Variants in CDH18 observed in about 807,000 individuals in gnomAD.
CDH18 encodes the protein cadherin 18.
A neutral mutation model predicts 67.9 loss-of-function variants in CDH18; 31 were observed. That is an observed-to-expected ratio of 0.46 (90% CI 0.34 to 0.62). The LOEUF (loss-of-function observed/expected upper bound fraction) is 0.62, where lower values mean the gene tolerates loss of function less well. CDH18 is among the 20% of genes least tolerant of loss of function. The probability of loss-of-function intolerance (pLI) is 0.01; values close to 1 mark genes in which losing one functional copy is unlikely to be tolerated. For synonymous variants in CDH18, 362 were observed against 347.2 expected (o/e 1.04, Z -0.48); for missense variants, 890 against 975.5 (o/e 0.91, Z 1.17).
chr5:19,864,215 C>A (rs1785211585), intron 2 of CDH18, among the ~76,000 whole-genome samples: 1 of 150,558 alleles, frequency 6.6e-6, no homozygotes, highest in African/African-American at 2.4e-5. Flanking sequence ...ATGATGAGTT[C>A]ATGTCCTTTG....
At chr5:20,191,847 G>T (rs1373797390) in intron 2 of CDH18, among the ~76,000 whole-genome samples, 1 of 152,134 alleles carries the variant, frequency 6.6e-6, no homozygotes, top group Admixed American at 6.6e-5. Flanking sequence ...ACAGTAGAAT[G>T]ATGTATATTC....
At chr5:19,541,591 A>G (rs948377972) in intron 9 of CDH18, among the ~76,000 whole-genome samples, 1 of 152,200 alleles carries the variant, frequency 6.6e-6, no homozygotes, top group Non-Finnish European at 1.5e-5. Flanking sequence ...CACAATCATG[A>G]AAGAAGGCAA....
chr5:20,015,032 A>G (rs1737763210), intron 2 of CDH18, among the ~76,000 whole-genome samples: 1 of 152,138 alleles, frequency 6.6e-6, no homozygotes, highest in African/African-American at 2.4e-5. Flanking sequence ...TACTAGGTCA[A>G]AATAGTTAAC....
intron 1 of CDH18, among the ~76,000 whole-genome samples, chr5:20,269,955 G>A (rs66551847): frequency 0.12 from 17,737 of 151,928 alleles, 1,574 homozygotes; most frequent in African/African-American, 0.24. Flanking sequence ...ACATGCAATA[G>A]GAATTACATG....
At chr5:20,269,084 AT>A (rs1237098655) in intron 1 of CDH18, among the ~76,000 whole-genome samples, 1 of 152,158 alleles carries the variant, frequency 6.6e-6, no homozygotes, top group Non-Finnish European at 1.5e-5. Context: ...AAGAATAGAT[AT>A]TTTTTAAAAG....
At chr5:20,536,090 A>G (rs1252242908) in intron 1 of CDH18, among the ~76,000 whole-genome samples, 1 of 152,206 alleles carries the variant, frequency 6.6e-6, no homozygotes, top group Non-Finnish European at 1.5e-5. Flanking sequence ...TAGCTTGCAT[A>G]TAATTCTTAT....
chr5:19,585,454 C>A (rs1744002527), intron 7 of CDH18, among the ~76,000 whole-genome samples: 1 of 152,198 alleles, frequency 6.6e-6, no homozygotes, highest in South Asian at 2.1e-4. Context: ...TACCCGCAGT[C>A]ATTTGCTTCT....
In CDH18 at chr5:20,304,437, C is replaced by T. The variant is rs1271007315; in HGVS notation, c.-579-48932G>A. 39 of 1,499,022 alleles carry T rather than the reference C, an allele frequency of 2.6e-5. No homozygotes were observed. In the East Asian group the frequency reaches 7.0e-4, roughly 27 times the overall value. The allele number at this position is 1,499,022 out of a possible 1,614,324, so 92.9% of individuals were successfully genotyped here. A position where few individuals can be genotyped will look rare whatever the true frequency, so the allele number is the denominator to read the frequency against. ...ACTTTGGGTAGCTCATGATTCTCTTCTTCATCTCCACCTTTGCATTCACCA... is the reference window on the plus strand; with the variant it reads ...ACTTTGGGTAGCTCATGATTCTCTTTTTCATCTCCACCTTTGCATTCACCA... On this transcript the variant is annotated intron_variant, in intron 1 of 14. Transcript: ENST00000507958.
At chr5:20,073,600 C>T (rs1561768746) in intron 2 of CDH18, among the ~76,000 whole-genome samples, 1 of 151,812 alleles carries the variant, frequency 6.6e-6, no homozygotes, top group Non-Finnish European at 1.5e-5. Context: ...GAGGTATATC[C>T]AGAATAGAGA....
At chr5:20,136,951 G>A (rs1263038307) in intron 2 of CDH18, among the ~76,000 whole-genome samples, 2 of 152,174 alleles carry the variant, frequency 1.3e-5, no homozygotes, top group Non-Finnish European at 2.9e-5. Context: ...TTTCTGCCAA[G>A]AGATCTGCTG....
intron 2 of CDH18, among the ~76,000 whole-genome samples, chr5:20,108,420 A>T (rs1228435911): frequency 6.6e-6 from 1 of 152,014 alleles, no homozygotes; most frequent in Non-Finnish European, 1.5e-5. Context: ...CCCTATCTCC[A>T]AACAGTCTTA....
At chr5:20,184,476 G>T (rs555501391) in intron 2 of CDH18, among the ~76,000 whole-genome samples, 1 of 152,074 alleles carries the variant, frequency 6.6e-6, no homozygotes, top group East Asian at 1.9e-4. Context: ...CTAATACAAG[G>T]TTAAGGCAGC....
At chr5:20,071,312 T>C (rs1743461236) in intron 2 of CDH18, among the ~76,000 whole-genome samples, 1 of 152,174 alleles carries the variant, frequency 6.6e-6, no homozygotes, top group African/African-American at 2.4e-5. Context: ...TATATCCTTC[T>C]TTAGGGTGTT....
intron 1 of CDH18, among the ~76,000 whole-genome samples, chr5:20,558,043 A>T (rs1159647955): frequency 6.8e-6 from 1 of 147,816 alleles, no homozygotes; most frequent in African/African-American, 2.6e-5. Context: ...ATATAACATT[A>T]ATTGTTATAT....
At chr5:20,437,106 T>C (rs1749226800) in intron 1 of CDH18, among the ~76,000 whole-genome samples, 2 of 149,900 alleles carry the variant, frequency 1.3e-5, no homozygotes, top group South Asian at 2.1e-4. Context: ...CAGATTTACA[T>C]GTGGTGTTAC....
chr5:20,257,928 A>G (rs1289466812), intron 1 of CDH18, among the ~76,000 whole-genome samples: 1 of 152,104 alleles, frequency 6.6e-6, no homozygotes, highest in Non-Finnish European at 1.5e-5. Context: ...TCTTAACTGG[A>G]GAAGGAATGT....
intron 1 of CDH18, among the ~76,000 whole-genome samples, chr5:20,406,588 T>A (rs1297241829): frequency 6.6e-6 from 1 of 150,870 alleles, no homozygotes; most frequent in Non-Finnish European, 1.5e-5. Flanking sequence ...AAAAAAAAAG[T>A]CCTGTAGAAA....
intron 2 of CDH18, among the ~76,000 whole-genome samples, chr5:20,190,803 A>G (rs1462049321): frequency 6.6e-6 from 1 of 152,152 alleles, no homozygotes; most frequent in Non-Finnish European, 1.5e-5. Flanking sequence ...TAAATCTGAT[A>G]CATTTCCTTC....
chr5:19,818,200 C>A (rs191699991), intron 3 of CDH18, among the ~76,000 whole-genome samples: 1 of 151,990 alleles, frequency 6.6e-6, no homozygotes, highest in South Asian at 2.1e-4. Flanking sequence ...TACAAAGATG[C>A]AAGGAATTAA....
Sources: allele counts gnomAD v4.1 joint callset (sites outside exome capture counted in the v4.1 genomes callset), GRCh38; gene constraint gnomAD v4.1.1; transcripts MANE v1.5; gene names NCBI Gene and HGNC (gene_info 2026-07-23, HGNC 2026-07-21).